The following IL17RC variants were observed in gnomAD, a reference collection of about 807,000 sequenced individuals.
The protein encoded by IL17RC is interleukin 17 receptor C, also known as interleukin-17 receptor C.
A neutral mutation model predicts 86.7 loss-of-function variants in IL17RC; 53 were observed. The observed-to-expected ratio is 0.61, with a 90% CI of 0.49 to 0.77. IL17RC has a LOEUF of 0.77. Ranked by LOEUF, IL17RC falls within the 30% of genes least tolerant of loss-of-function variation. IL17RC has a pLI of 0.00. For missense variants in IL17RC, 957 were observed against 940.0 expected (o/e 1.02, Z -0.24); for synonymous variants, 439 against 413.1 (o/e 1.06, Z -0.76).
At chr3:9,925,120 T>C (rs1269529792) in intron 9 of IL17RC, among the ~76,000 whole-genome samples, 1 of 150,000 alleles carries the variant, frequency 6.7e-6, no homozygotes, top group East Asian at 2.0e-4. Flanking sequence ...TGCACTTTTT[T>C]TTTTTTTTTT....
At chr3:9,927,962 A>T (rs541906234) in intron 9 of IL17RC, among the ~76,000 whole-genome samples, 1 of 152,136 alleles carries the variant, frequency 6.6e-6, no homozygotes, top group South Asian at 2.1e-4. Context: ...AAAAAAAAAA[A>T]GTTTGTTAAT....
rs768254244 is a variant in IL17RC at position 9,928,426 on chromosome 3, G to A, written c.999G>A (p.Pro333=). 1.5e-5 allele frequency: 24 copies of A among 1,606,726 alleles called. No homozygotes were observed. The highest frequency in any genetic ancestry group is 2.2e-5 in the East Asian group (1 of 44,868). ...PAEAALCWRA[P]GGDPCQPLVP... The stretch of plus-strand genomic sequence containing the variant: ...AAGCGGCACTGTGCTGGCGGGCTCC[G>A]GGTGGGGACCCCTGCCAGCCACTGG... Residue 333 remains proline (P), a synonymous_variant, in exon 11 of 19, where the codon CCG becomes CCA. Transcript: ENST00000403601.
Position 9,922,391 on chromosome 3 carries a change from A to G in IL17RC, c.622+1422A>G, listed in dbSNP as rs139906872. 2.0e-3 allele frequency among the ~76,000 whole-genome samples: 299 copies of G among 152,372 alleles called. 1 individual carries two copies. Among genetic ancestry groups the G allele is most frequent in the Middle Eastern group, 6.8e-3 (2 of 294 alleles). On this transcript the variant is annotated intron_variant, in intron 7 of 18. Transcript: ENST00000403601. ...ATTTTCTTTTTGCCTTCTTAAAATT[A>G]AAGTTGGCCTGCCTCTTTGGCAACT...
chr3:9,931,462 CACACACACATATATATATATATATATAT>C (rs2084654179), intron 16 of IL17RC, among the ~76,000 whole-genome samples: 1 of 130,390 alleles, frequency 7.7e-6, no homozygotes, highest in African/African-American at 3.7e-5. Flanking sequence ...TTCACACACA[CACACACACATATATATATATATATATAT>C]ATATATATAT....
At chr3:9,918,712 C>G in intron 5 of IL17RC, 103 bp downstream of exon 5, 1 of 776,394 alleles carries the variant, frequency 1.3e-6, no homozygotes, top group South Asian at 1.6e-5. Flanking sequence ...TTTATTGAAA[C>G]CCTTCAGTAC....
At chr3:9,923,733 A>G in intron 7 of IL17RC, 148 bp from the exon 8 acceptor site, 1 of 852,394 alleles carries the variant, frequency 1.2e-6, no homozygotes, top group Non-Finnish European at 1.8e-6. Flanking sequence ...AGCTGCTAGG[A>G]GCAAAGTCTG....
chr3:9,931,418 G>C (rs1310467989), intron 16 of IL17RC, among the ~76,000 whole-genome samples: 1 of 148,652 alleles, frequency 6.7e-6, no homozygotes, highest in Non-Finnish European at 1.5e-5. Context: ...CTTATGTTGA[G>C]AGCAGCAGGA....
chr3:9,931,462 CACACACACATATATATAT>C lies in IL17RC; in HGVS notation c.1387+521_1387+538del, dbSNP rs1201079567. 8.3e-4 allele frequency among the ~76,000 whole-genome samples: 108 copies of C among 130,464 alleles called. 1 individual carries two copies. The East Asian group carries it at 9.8e-3, about 12-fold the overall frequency. The allele number at this position is 130,464 out of a possible 152,430, so 85.6% of individuals were successfully genotyped here. A position where few individuals can be genotyped will look rare whatever the true frequency, so the allele number is the denominator to read the frequency against. ...CAAATTTTTATATATTTCACACACA[CACACACACATATATATAT>C]ATATATATATATATATATATATACT... On this transcript the variant is annotated intron_variant, in intron 16 of 18. Coordinates refer to ENST00000403601, the MANE Select transcript of IL17RC (RefSeq NM_153460.4).
In IL17RC at chr3:9,920,590, C is replaced by T. The variant is rs764990921; in HGVS notation, c.565C>T (p.Gln189Ter). 1.2e-6 allele frequency: 2 copies of T among 1,601,446 alleles called. No homozygotes were observed. Among genetic ancestry groups the T allele is most frequent in the African/African-American group, 1.3e-5 (1 of 74,792 alleles). The change falls in exon 6 of 19, where the codon CAG (glutamine) becomes TAG (stop). Residue 189 changes from glutamine (Q) to a stop codon, truncating the protein, a stop_gained. Transcript: ENST00000403601. LOFTEE classifies it high-confidence loss of function. Reference protein sequence around the residue: ...PRYEKELNHTQQLPDCRGLEV... With the variant: ...PRYEKELNHT Reference sequence around the variant, plus strand: ...GTACGAGAAGGAACTCAACCACACACAGCAGCTGCCTGGTAAGTGGACCCC... The same window carrying T: ...GTACGAGAAGGAACTCAACCACACATAGCAGCTGCCTGGTAAGTGGACCCC...
Position 9,930,380 on chromosome 3 carries a change from C to T in IL17RC, c.1279-20C>T, listed in dbSNP as rs1201206260. 1.2e-6 allele frequency: 2 copies of T among 1,613,856 alleles called. No individual in the cohort carries two copies. Among genetic ancestry groups the T allele is most frequent in the African/African-American group, 1.3e-5 (1 of 75,016 alleles). Reference sequence around the variant, plus strand: ...GGTGCTACCTCCAGGTAACAGTGCCCCCATCCTTTGGCTTGGCAGAGGGCA... The same window carrying T: ...GGTGCTACCTCCAGGTAACAGTGCCTCCATCCTTTGGCTTGGCAGAGGGCA... On this transcript the variant is annotated intron_variant, in intron 14 of 18. Coordinates refer to ENST00000403601, the MANE Select transcript of IL17RC (RefSeq NM_153460.4). This position sits in a 1 kb window ranked among gnomAD's most constrained non-coding sequence, Gnocchi z 5.8.
Position 9,930,676 on chromosome 3 carries a change from G to A in IL17RC, c.1338+217G>A. On this transcript the variant is annotated intron_variant, in intron 15 of 18. Coordinates refer to ENST00000403601, the MANE Select transcript of IL17RC (RefSeq NM_153460.4). This position sits in a 1 kb window ranked among gnomAD's most constrained non-coding sequence, Gnocchi z 5.8. The stretch of plus-strand genomic sequence containing the variant: ...GGTGCTAAGTTTTGGGTTCCAGGGA[G>A]AGCTTCCGGGAAGAATTTCTTCCTA... The A allele has an allele frequency of 1.5e-6, 1 of 671,006 alleles. No individual in the cohort carries two copies. Among genetic ancestry groups the A allele is most frequent in the Non-Finnish European group, 2.6e-6 (1 of 385,346 alleles). 41.6% of individuals were successfully genotyped at this position (671,006 alleles called of 1,614,324 possible).
intron 5 of IL17RC, among the ~76,000 whole-genome samples, chr3:9,919,613 T>C (rs1394942707): frequency 6.6e-6 from 1 of 152,018 alleles, no homozygotes; most frequent in Non-Finnish European, 1.5e-5. Context: ...GCCACTGCAC[T>C]CCAGCCTGGG....
intron 10 of IL17RC, 42 bp from the exon 11 acceptor site, chr3:9,928,263 G>C (rs1415862182): frequency 6.2e-7 from 1 of 1,613,804 alleles, no homozygotes; most frequent in South Asian, 1.1e-5. Flanking sequence ...TGTTGCGAGC[G>C]ATGGGTACCT....
chr3:9,919,602 C>T (rs6443272), intron 5 of IL17RC, among the ~76,000 whole-genome samples: 1,965 of 152,006 alleles, frequency 0.013, 41 homozygotes, highest in African/African-American at 0.038. Context: ...GCCGAGATCG[C>T]GCCACTGCAC....
At chr3:9,926,608 G>C (rs780424223) in intron 9 of IL17RC, among the ~76,000 whole-genome samples, 1 of 150,154 alleles carries the variant, frequency 6.7e-6, no homozygotes, top group Non-Finnish European at 1.5e-5. Flanking sequence ...GTTTTTTTGT[G>C]TTTTTGTTTT....
In IL17RC at chr3:9,933,411, G is replaced by C. The variant is rs763039695; in HGVS notation, c.1981G>C (p.Asp661His). 1 of 1,613,272 alleles carries C rather than the reference G, an allele frequency of 6.2e-7. No homozygotes were observed. Among genetic ancestry groups the C allele is most frequent in the Admixed American group, 1.7e-5 (1 of 59,984 alleles). ...CTTCACACTGCCCTCCCAACTGCCA[G>C]ACTTCCTGGGGGCCCTGCAGCAGCC... ...PVFTLPSQLP[D>H]FLGALQQPRA... The change falls in exon 19 of 19, where the codon GAC becomes CAC. Residue 661 changes from aspartate to histidine, a missense_variant. Physicochemically the swap from Asp to His is moderately conservative, Grantham distance 81 (BLOSUM62 -1). Transcript: ENST00000403601.
chr3:9,920,535 G>A lies in IL17RC; in HGVS notation c.510G>A (p.Glu170=). 3 of 1,608,152 alleles carry A rather than the reference G, an allele frequency of 1.9e-6. No individual in the cohort carries two copies. The highest frequency in any genetic ancestry group is 2.7e-5 in the African/African-American group (2 of 74,880). Residue 170 remains glutamate (E), a synonymous_variant, in exon 6 of 19, where the codon GAG becomes GAA. Coordinates refer to ENST00000403601, the MANE Select transcript of IL17RC (RefSeq NM_153460.4). ...YDCFEAALGS[E]VRIWSYTQPR... ...GCTTCGAGGCTGCCCTAGGGAGTGA[G>A]GTACGAATCTGGTCCTATACTCAGC...
rs202092337 is a variant in IL17RC, at chr3:9,928,365, G to A, written c.938G>A (p.Ser313Asn). 28 of 1,605,776 alleles carry A rather than the reference G, an allele frequency of 1.7e-5. No individual in the cohort carries two copies. In the East Asian group the frequency reaches 6.3e-4, roughly 36 times the overall value. The change falls in exon 11 of 19, where the codon AGC (serine) becomes AAC (asparagine). Residue 313 changes from serine (S) to asparagine (N), a missense_variant. Ser to Asn is a conservative substitution (Grantham distance 46). Transcript: ENST00000403601. The part of the protein sequence containing the change: ...AARLQLLTLQ[S>N]WLLDAPCSLP... Reference sequence around the variant, plus strand: ...CGACTGCAACTGCTGACCCTGCAGAGCTGGCTGCTGGACGCACCGTGCTCG... The same window carrying A: ...CGACTGCAACTGCTGACCCTGCAGAACTGGCTGCTGGACGCACCGTGCTCG...
In IL17RC at chr3:9,930,197, A is replaced by G; in HGVS notation, c.1278+48A>G. ...CCACAGATCTCTCCAAATGCATCTC[A>G]CATCTGGCCTCAAATTTTCACTCCA... is the stretch of plus-strand genomic sequence containing the variant. On this transcript the variant is annotated intron_variant, in intron 14 of 18. Transcript: ENST00000403601. This position sits in a 1 kb window ranked among gnomAD's most constrained non-coding sequence, Gnocchi z 5.8. The G allele has an allele frequency of 6.3e-7, 1 of 1,598,642 alleles. No individual in the cohort carries two copies. Among genetic ancestry groups the G allele is most frequent in the Non-Finnish European group, 8.6e-7 (1 of 1,167,522 alleles).
Sources: gnomAD v4.1 joint callset for allele counts (sites outside exome capture counted in the v4.1 genomes callset) on GRCh38, gnomAD v4.1.1 for gene constraint, Gnocchi (gnomAD v3.1) non-coding constraint, MANE v1.5 for transcripts, NCBI Gene and HGNC (gene_info 2026-07-23, HGNC 2026-07-21) for gene names.